Variants in JAK2 observed in about 807,000 individuals in gnomAD.
JAK2 encodes tyrosine-protein kinase JAK2.
In JAK2, 86 loss-of-function variants were observed where a neutral mutation model predicts 139.3. The ratio of observed to expected loss-of-function variants is 0.62; its 90% confidence interval spans 0.52 to 0.74. The LOEUF is 0.74. Ranked by LOEUF, JAK2 falls within the 30% of genes least tolerant of loss-of-function variation. The pLI, the probability that JAK2 is intolerant of heterozygous loss-of-function variation, is 0.00. For missense variants in JAK2, 1,421 were observed against 1,360.3 expected, an observed-to-expected ratio of 1.04 and a Z score of -0.70; for synonymous variants, 490 against 437.7, an observed-to-expected ratio of 1.12 and a Z score of -1.49.
chr9:5,093,577 A>G (rs530102702), intron 22 of JAK2, among the ~76,000 whole-genome samples: 6 of 152,322 alleles, frequency 3.9e-5, no homozygotes, highest in African/African-American at 1.2e-4. Context: ...CAAAAAGCCT[A>G]TAGGCCTTAA....
At chr9:4,987,784 C>G (rs1051385784) in intron 2 of JAK2, among the ~76,000 whole-genome samples, 1 of 151,466 alleles carries the variant, frequency 6.6e-6, no homozygotes, top group Non-Finnish European at 1.5e-5. Context: ...ATTTACGACT[C>G]TTTTAGCTTC....
intron 12 of JAK2, 130 bp downstream of exon 12, chr9:5,070,182 C>T (rs12351248): frequency 5.4e-6 from 3 of 552,058 alleles, no homozygotes; most frequent in Non-Finnish European, 5.7e-6. Flanking sequence ...AAATATTTTT[C>T]TTATGAAAAA....
intron 14 of JAK2, among the ~76,000 whole-genome samples, chr9:5,074,327 A>T (rs956411021): frequency 6.6e-6 from 1 of 152,068 alleles, no homozygotes; most frequent in African/African-American, 2.4e-5. Context: ...TGTGCTTCTT[A>T]GATATTGTAT....
chr9:5,069,242 G>A (rs376915240), intron 11 of JAK2, 34 bp downstream of exon 11: 2 of 1,431,680 alleles, frequency 1.4e-6, no homozygotes, highest in South Asian at 2.5e-5. Flanking sequence ...TTAAATTACT[G>A]GTCATGGATT....
chr9:5,079,025 A>T (rs1819497372), intron 16 of JAK2, among the ~76,000 whole-genome samples: 1 of 152,176 alleles, frequency 6.6e-6, no homozygotes, highest in Non-Finnish European at 1.5e-5. Flanking sequence ...CTCTAATTGG[A>T]TGTTCTAAAT....
intron 22 of JAK2, chr9:5,108,243 G>T (rs953814716): frequency 2.0e-5 from 3 of 151,966 alleles, no homozygotes; most frequent in African/African-American, 7.3e-5. Flanking sequence ...TAAAATTATA[G>T]CATTCACAGC....
chr9:4,993,846 C>G (rs1384489890), intron 2 of JAK2, among the ~76,000 whole-genome samples: 1 of 152,212 alleles, frequency 6.6e-6, no homozygotes, highest in Non-Finnish European at 1.5e-5. Context: ...TGGACATTCT[C>G]CCCACGTCTG....
At chr9:5,085,363 G>T in intron 19 of JAK2, 1 of 905,512 alleles carries the variant, frequency 1.1e-6, no homozygotes, top group Non-Finnish European at 1.8e-6. Flanking sequence ...GTACTGATAG[G>T]TGATCTCATG....
intron 22 of JAK2, among the ~76,000 whole-genome samples, chr9:5,117,469 G>T (rs989147820): frequency 6.6e-6 from 1 of 152,088 alleles, no homozygotes; most frequent in African/African-American, 2.4e-5. Context: ...CATAATAATG[G>T]ATGTTATTTG....
At chr9:5,031,399 A>T (rs1017458685) in intron 4 of JAK2, among the ~76,000 whole-genome samples, 3 of 152,210 alleles carry the variant, frequency 2.0e-5, no homozygotes, top group African/African-American at 7.2e-5. Flanking sequence ...GGGCCAGTAT[A>T]TCTTGAAAGT....
chr9:4,998,820 G>T (rs1461064944), intron 2 of JAK2, among the ~76,000 whole-genome samples: 2 of 151,698 alleles, frequency 1.3e-5, no homozygotes, highest in African/African-American at 2.4e-5. Context: ...TCTCTTCATG[G>T]CATCAGTTTT....
At chr9:5,077,851 C>G (rs895566274) in intron 15 of JAK2, among the ~76,000 whole-genome samples, 1 of 152,148 alleles carries the variant, frequency 6.6e-6, no homozygotes. Context: ...GAAAATTCAA[C>G]CAAAAATTAT....
intron 19 of JAK2, among the ~76,000 whole-genome samples, chr9:5,088,799 C>T (rs1196915500): frequency 6.6e-6 from 1 of 152,180 alleles, no homozygotes; most frequent in African/African-American, 2.4e-5. Flanking sequence ...AATGTCTCTT[C>T]CTCTTATAAG....
intron 2 of JAK2, among the ~76,000 whole-genome samples, chr9:5,013,283 A>G (rs1051912417): frequency 1.3e-5 from 2 of 152,198 alleles, no homozygotes; most frequent in African/African-American, 2.4e-5. Flanking sequence ...TCACCTCACC[A>G]TATTTAGGTT....
intron 9 of JAK2, among the ~76,000 whole-genome samples, chr9:5,066,324 A>G (rs1818566500): frequency 6.6e-6 from 1 of 152,104 alleles, no homozygotes; most frequent in African/African-American, 2.4e-5. Context: ...GTATTTTCTG[A>G]TATATAATCT....
At chr9:5,124,192 A>G (rs1823826645) in intron 23 of JAK2, among the ~76,000 whole-genome samples, 1 of 151,738 alleles carries the variant, frequency 6.6e-6, no homozygotes, top group Non-Finnish European at 1.5e-5. Flanking sequence ...TGATTTTGCT[A>G]TGCTGAAATT....
Position 5,043,233 on chromosome 9 carries a change from G to A in JAK2, c.351-1170G>A, listed in dbSNP as rs539753133. On this transcript the variant is annotated intron_variant, in intron 4 of 24. Coordinates refer to ENST00000381652, the MANE Select transcript of JAK2 (RefSeq NM_004972.4). Reference sequence around the variant, plus strand: ...GCCCAGGGCGGTGGCCGTGAGTCTGGTTTTTGCTTTACCAAGTGTACGGAA... The same window carrying A: ...GCCCAGGGCGGTGGCCGTGAGTCTGATTTTTGCTTTACCAAGTGTACGGAA... 2.0e-5 allele frequency among the ~76,000 whole-genome samples: 3 copies of A among 152,242 alleles called. No homozygotes were observed. In the East Asian group the frequency reaches 5.8e-4, roughly 29 times the overall value.
chr9:5,049,811 T>C (rs1033148124), intron 5 of JAK2, among the ~76,000 whole-genome samples: 1 of 152,244 alleles, frequency 6.6e-6, no homozygotes, highest in African/African-American at 2.4e-5. Flanking sequence ...CTAGTCTGTA[T>C]GGTATAGCCT....
intron 2 of JAK2, among the ~76,000 whole-genome samples, chr9:4,998,531 A>C (rs1389216704): frequency 1.3e-5 from 2 of 152,128 alleles, no homozygotes; most frequent in Non-Finnish European, 2.9e-5. Context: ...CTGGGATTAC[A>C]GGCATGAGCC....
Sources: gnomAD v4.1 joint callset for allele counts (sites outside exome capture counted in the v4.1 genomes callset) on GRCh38, gnomAD v4.1.1 for gene constraint, MANE v1.5 for transcripts, NCBI Gene and HGNC (gene_info 2026-07-23, HGNC 2026-07-21) for gene names.